Variants in KMT2E observed in about 807,000 individuals in gnomAD.
KMT2E encodes histone reader KMT2E.
A neutral mutation model predicts 184.6 loss-of-function variants in KMT2E; 30 were observed. The observed-to-expected ratio is 0.16, with a 90% CI of 0.12 to 0.22. KMT2E has a LOEUF of 0.22. KMT2E is among the 10% of genes least tolerant of loss of function. KMT2E has a pLI of 1.00. For missense variants in KMT2E, 2,023 were observed against 2,237.4 expected (o/e 0.90, Z 1.93); for synonymous variants, 815 against 776.5 (o/e 1.05, Z -0.82).
In KMT2E at chr7:105,106,606, C is replaced by T. The variant is rs768937996; in HGVS notation, c.2681C>T (p.Pro894Leu). 2.5e-6 allele frequency: 4 copies of T among 1,613,978 alleles called. No homozygotes were observed. The highest frequency in any genetic ancestry group is 2.2e-5 in the East Asian group (1 of 44,882). The stretch of plus-strand genomic sequence containing the variant: ...GAAACCTCCACACCTACTCCTTCCC[C>T]GTATGCTACACCAACTCACACCGAT... ...YSETSTPTPS[P>L]YATPTHTDIT... The change falls in exon 20 of 27, where the codon CCG (proline) becomes CTG (leucine). Residue 894 changes from proline to leucine, a missense_variant. By Grantham distance (98) the Pro-to-Leu change is moderately conservative (BLOSUM62 -3). This residue lies in a region of KMT2E where 514 missense variants were observed against 621.8 expected (regional missense o/e 0.83). Coordinates refer to ENST00000311117, the MANE Select transcript of KMT2E (RefSeq NM_182931.3).
chr7:105,077,062 A>G lies in KMT2E; in HGVS notation c.868A>G (p.Asn290Asp). Reference sequence around the variant, plus strand: ...GGATCGATATGAAGAAGCAAATAACAACCAGTACAGTGAGGGTGTTCAGAG... The same window carrying G: ...GGATCGATATGAAGAAGCAAATAACGACCAGTACAGTGAGGGTGTTCAGAG... ...WMDRYEEANN[N>D]QYSEGVQREA... Residue 290 changes from asparagine to aspartate, a missense_variant, in exon 10 of 27, where the codon AAC becomes GAC. This residue lies in a region of KMT2E where 191 missense variants were observed against 209.0 expected (regional missense o/e 0.91). Transcript: ENST00000311117. 6.2e-7 allele frequency: 1 copy of G among 1,614,084 alleles called. No homozygotes were observed.
At chr7:105,100,863 A>C (rs1798626227) in intron 15 of KMT2E, among the ~76,000 whole-genome samples, 1 of 152,182 alleles carries the variant, frequency 6.6e-6, no homozygotes, top group South Asian at 2.1e-4. Flanking sequence ...GAAGAGAACA[A>C]GCTTTGGAAA....
At chr7:105,110,714 T>TAA (rs1034156297) in intron 25 of KMT2E, 57 bp from the exon 26 acceptor site, 299 of 1,580,800 alleles carry the variant, frequency 1.9e-4, no homozygotes, top group Non-Finnish European at 2.4e-4. Context: ...TTTGTGGTGT[T>TAA]AAAACAGTGT....
intron 6 of KMT2E, among the ~76,000 whole-genome samples, chr7:105,070,706 G>T (rs536482405): frequency 6.6e-6 from 1 of 150,990 alleles, no homozygotes; most frequent in African/African-American, 2.4e-5. Flanking sequence ...CCAGCTCTTT[G>T]GGGGGCTGAG....
At chr7:105,053,141 A>C (rs1295927909) in intron 3 of KMT2E, among the ~76,000 whole-genome samples, 2 of 152,188 alleles carry the variant, frequency 1.3e-5, no homozygotes, top group East Asian at 3.8e-4. Flanking sequence ...AAGTTTTTTT[A>C]AGTCGCGGTT....
At position 105,107,899 on chromosome 7, in the gene KMT2E, C is replaced by T; in HGVS notation, c.3442C>T (p.Pro1148Ser). Reference protein sequence around the residue: ...NDNLIDGNCTPQNPPQKKKVS... With the variant: ...NDNLIDGNCTSQNPPQKKKVS... ...CAATTTGATCGACGGGAATTGCACA[C>T]CCCAGAATCCACCACAAAAGAAAAA... The change falls in exon 22 of 27, where the codon CCC becomes TCC. Residue 1148 changes from proline (P) to serine (S), a missense_variant. By Grantham distance (74) the Pro-to-Ser change is moderately conservative. This residue lies in a region of KMT2E where 1,108 missense variants were observed against 1,050.9 expected (regional missense o/e 1.05). Transcript: ENST00000311117. The T allele has an allele frequency of 3.1e-6, 5 of 1,605,276 alleles. No homozygotes were observed. The highest frequency in any genetic ancestry group is 2.2e-5 in the East Asian group (1 of 44,730).
intron 3 of KMT2E, among the ~76,000 whole-genome samples, chr7:105,049,050 G>A (rs551668686): frequency 6.3e-4 from 96 of 152,186 alleles, no homozygotes; most frequent in Non-Finnish European, 1.1e-3. Flanking sequence ...TAAAGAACAG[G>A]GAAAAAATAT....
intron 1 of KMT2E, among the ~76,000 whole-genome samples, chr7:105,033,383 A>G (rs1000119584): frequency 4.6e-5 from 7 of 152,240 alleles, no homozygotes; most frequent in African/African-American, 1.4e-4. Context: ...GAGAAATTCT[A>G]TGTATTTTTA....
intron 1 of KMT2E, among the ~76,000 whole-genome samples, chr7:105,024,192 C>T (rs943951754): frequency 1.1e-4 from 17 of 152,158 alleles, no homozygotes; most frequent in African/African-American, 4.1e-4. Flanking sequence ...TTAAGATAAT[C>T]ATATTTCACA....
chr7:105,062,626 A>T (rs1285107192), intron 4 of KMT2E, among the ~76,000 whole-genome samples: 1 of 151,928 alleles, frequency 6.6e-6, no homozygotes, highest in Non-Finnish European at 1.5e-5. Context: ...TGAATTATAT[A>T]GTAATTTATA....
At chr7:105,050,408 C>T (rs147246277) in intron 3 of KMT2E, among the ~76,000 whole-genome samples, 1 of 152,254 alleles carries the variant, frequency 6.6e-6, no homozygotes, top group Non-Finnish European at 1.5e-5. Context: ...GCAGTCCCCT[C>T]TCCTTTTAAA....
At chr7:105,071,582 GTATATATATA>G (rs1554392567) in intron 6 of KMT2E, among the ~76,000 whole-genome samples, 1 of 34,930 alleles carries the variant, frequency 2.9e-5, no homozygotes, top group Non-Finnish European at 5.5e-5. Flanking sequence ...ATGTGTGTGT[GTATATATATA>G]TATATATATA....
At chr7:105,017,674 A>G (rs1440244024) in intron 1 of KMT2E, among the ~76,000 whole-genome samples, 1 of 152,102 alleles carries the variant, frequency 6.6e-6, no homozygotes, top group Non-Finnish European at 1.5e-5. Context: ...AAACTAGTCA[A>G]ATGGTCTTTG....
At chr7:105,028,737 C>T (rs913460661) in intron 1 of KMT2E, among the ~76,000 whole-genome samples, 3 of 151,882 alleles carry the variant, frequency 2.0e-5, no homozygotes, top group African/African-American at 7.3e-5. Context: ...TTCTTGAGCT[C>T]AAGTGATCCC....
chr7:105,071,784 G>T (rs1183573800), intron 6 of KMT2E, among the ~76,000 whole-genome samples: 1 of 150,882 alleles, frequency 6.6e-6, no homozygotes, highest in Non-Finnish European at 1.5e-5. Flanking sequence ...AACAGTAATG[G>T]ATAAGCATGC....
intron 7 of KMT2E, 47 bp downstream of exon 7, chr7:105,073,724 G>A (rs1380259273): frequency 9.0e-7 from 1 of 1,116,590 alleles, no homozygotes; most frequent in Non-Finnish European, 1.3e-6. Context: ...GTGATTGAGA[G>A]AATAAACGGT....
At chr7:105,020,497 A>G (rs1227679156) in intron 1 of KMT2E, among the ~76,000 whole-genome samples, 1 of 152,064 alleles carries the variant, frequency 6.6e-6, no homozygotes, top group Admixed American at 6.5e-5. Flanking sequence ...AGGCAGGAGA[A>G]TTGCTTGGAC....
At chr7:105,066,898 T>C in intron 6 of KMT2E, 91 bp downstream of exon 6, 2 of 966,052 alleles carry the variant, frequency 2.1e-6, no homozygotes, top group South Asian at 2.6e-5. Flanking sequence ...AGTTAAAAAA[T>C]TAATGAATCA....
chr7:105,056,158 G>A (rs1472106802), intron 3 of KMT2E, among the ~76,000 whole-genome samples: 2 of 151,968 alleles, frequency 1.3e-5, no homozygotes, highest in Admixed American at 1.3e-4. Context: ...GCTTTTTGAT[G>A]TTTTAAAAAT....
Sources: allele counts gnomAD v4.1 joint callset (sites outside exome capture counted in the v4.1 genomes callset), GRCh38; gene constraint gnomAD v4.1.1; regional missense constraint gnomAD v4.1.1; transcripts MANE v1.5; gene names NCBI Gene and HGNC (gene_info 2026-07-23, HGNC 2026-07-21).